The following DMD variants were observed in gnomAD, a reference collection of about 807,000 sequenced individuals.
DMD encodes mutant dystrophin.
DMD carries 63 observed loss-of-function variants against 330.1 expected under a neutral mutation model. That is an observed-to-expected ratio of 0.19 (90% CI 0.16 to 0.24). The LOEUF is 0.24. Ranked by LOEUF, DMD falls within the 10% of genes least tolerant of loss-of-function variation. The pLI is 1.00. For missense variants in DMD, 3,344 were observed against 2,684.1 expected, an observed-to-expected ratio of 1.25 and a Z score of -5.43; for synonymous variants, 1,223 against 959.8, an observed-to-expected ratio of 1.27 and a Z score of -5.07.
intron 61 of DMD, among the ~76,000 whole-genome samples, chrX:31,325,199 T>C (rs965454927): frequency 9.0e-6 from 1 of 111,238 alleles, no homozygotes; most frequent in African/African-American, 3.3e-5. Context: ...CTTTCCATCT[T>C]TGCCTTTCTC....
chrX:32,998,645 T>TTA (rs766697709), intron 2 of DMD, among the ~76,000 whole-genome samples: 4,417 of 84,831 alleles, frequency 0.052, 132 homozygotes, highest in East Asian at 0.29. Context: ...ATATATATGT[T>TTA]TATATACACA....
At chrX:33,150,045 AAAAT>A (rs2048203638) in intron 1 of DMD, among the ~76,000 whole-genome samples, 1 of 111,713 alleles carries the variant, frequency 9.0e-6, no homozygotes, top group Non-Finnish European at 1.9e-5. Flanking sequence ...ACATGACTAT[AAAAT>A]AAAGAGATGC....
chrX:33,308,277 C>G (rs1176936978), intron 1 of DMD, among the ~76,000 whole-genome samples: 1 of 112,144 alleles, frequency 8.9e-6, no homozygotes, highest in Non-Finnish European at 1.9e-5. Flanking sequence ...CTCCTAACTC[C>G]TACCCCAGTC....
intron 7 of DMD, among the ~76,000 whole-genome samples, chrX:32,731,436 T>G (rs921091300): frequency 8.9e-6 from 1 of 112,817 alleles, no homozygotes; most frequent in Admixed American, 9.3e-5. Context: ...TGCCTGCCTC[T>G]GTAGGCTCCA....
intron 44 of DMD, among the ~76,000 whole-genome samples, chrX:31,988,366 T>C (rs1264743308): frequency 2.0e-5 from 2 of 102,204 alleles, no homozygotes; most frequent in African/African-American, 3.6e-5. Flanking sequence ...CCCAGCTACT[T>C]GGGAGGCTGA....
intron 74 of DMD, among the ~76,000 whole-genome samples, chrX:31,159,992 A>G (rs1481177270): frequency 8.9e-6 from 1 of 112,388 alleles, no homozygotes; most frequent in Non-Finnish European, 1.9e-5. Context: ...TGTGTTGATG[A>G]TACACTTTAA....
intron 1 of DMD, among the ~76,000 whole-genome samples, chrX:33,053,597 A>G (rs969014319): frequency 9.0e-6 from 1 of 110,888 alleles, no homozygotes; most frequent in Non-Finnish European, 1.9e-5. Flanking sequence ...CTCCATCTCA[A>G]AAAAAGAAAA....
At chrX:32,895,661 T>C (rs1470703651) in intron 2 of DMD, among the ~76,000 whole-genome samples, 1 of 111,787 alleles carries the variant, frequency 8.9e-6, no homozygotes, top group Non-Finnish European at 1.9e-5. Flanking sequence ...TCCAGGTGTA[T>C]ATAAGGCAAT....
chrX:32,519,263 TAAA>T (rs201722710), intron 17 of DMD, among the ~76,000 whole-genome samples: 4,433 of 69,171 alleles, frequency 0.064, 285 homozygotes, highest in African/African-American at 0.2. Context: ...AAGTGGAATC[TAAA>T]AAAAAAAAAA....
intron 60 of DMD, among the ~76,000 whole-genome samples, chrX:31,421,667 A>T (rs187365952): frequency 9.1e-6 from 1 of 110,467 alleles, no homozygotes; most frequent in East Asian, 2.8e-4. Flanking sequence ...TGAACAGGAT[A>T]CGTCTTGTTT....
rs1448452459 is a variant in DMD at position 31,749,454 on chromosome X, C to G, written c.7543-19706G>C. Among the ~76,000 whole-genome samples, 7 of 104,500 alleles carry G rather than the reference C, an allele frequency of 6.7e-5. 1 individual carries two copies. Among genetic ancestry groups the G allele is most frequent in the Admixed American group, 5.2e-4 (5 of 9,524 alleles). 90.7% of individuals were successfully genotyped at this position (104,500 alleles called of 115,157 possible). ...TGATGATTTCCAATTTCATCCATGT[C>G]CCTACAAAGGACATGAACTCATCCT... On this transcript the variant is annotated intron_variant, in intron 51 of 78. Coordinates refer to ENST00000357033, the MANE Select transcript of DMD (RefSeq NM_004006.3).
intron 55 of DMD, among the ~76,000 whole-genome samples, chrX:31,579,981 T>C (rs1338885777): frequency 8.9e-6 from 1 of 112,074 alleles, no homozygotes; most frequent in Non-Finnish European, 1.9e-5. Flanking sequence ...TAATGGCCCC[T>C]TTCTCTATCT....
intron 11 of DMD, among the ~76,000 whole-genome samples, chrX:32,635,892 C>T (rs763552708): frequency 3.6e-5 from 4 of 111,739 alleles, no homozygotes; most frequent in South Asian, 7.5e-4. Flanking sequence ...TCCTCTAGTT[C>T]TCATGCTAAC....
chrX:32,878,702 T>C (rs781731433), intron 2 of DMD, among the ~76,000 whole-genome samples: 11 of 110,357 alleles, frequency 1.0e-4, no homozygotes, highest in Middle Eastern at 4.7e-3. Context: ...AGTGGTGAGG[T>C]AGGGCAGGAT....
At chrX:32,221,775 C>T (rs994163003) in intron 43 of DMD, among the ~76,000 whole-genome samples, 2 of 111,702 alleles carry the variant, frequency 1.8e-5, no homozygotes, top group South Asian at 3.7e-4. Flanking sequence ...GTACCTACAG[C>T]GTAGCTCCCA....
At chrX:32,283,416 T>C (rs188489628) in intron 43 of DMD, among the ~76,000 whole-genome samples, 4 of 111,756 alleles carry the variant, frequency 3.6e-5, no homozygotes, top group East Asian at 2.8e-4. Context: ...TTAACCCAAA[T>C]TGGCTTACTA....
chrX:31,421,912 C>T (rs1345582361), intron 60 of DMD, among the ~76,000 whole-genome samples: 34 of 67,811 alleles, frequency 5.0e-4, no homozygotes, highest in African/African-American at 2.9e-3. Context: ...CACACACACA[C>T]ACATATATAT....
chrX:33,182,834 AAACT>A, intron 1 of DMD, among the ~76,000 whole-genome samples: 1 of 112,526 alleles, frequency 8.9e-6, no homozygotes, highest in South Asian at 3.6e-4. Flanking sequence ...AGCCTACAGA[AAACT>A]AACTTTTTGT....
At chrX:33,010,118 ATG>A (rs1409757787) in intron 2 of DMD, among the ~76,000 whole-genome samples, 3 of 103,060 alleles carry the variant, frequency 2.9e-5, no homozygotes, top group Non-Finnish European at 4.0e-5. Flanking sequence ...ATATGTGCAC[ATG>A]TGTGTATATA....
Sources: allele counts gnomAD v4.1 joint callset (sites outside exome capture counted in the v4.1 genomes callset), GRCh38; gene constraint gnomAD v4.1.1; transcripts MANE v1.5; gene names NCBI Gene and HGNC (gene_info 2026-07-23, HGNC 2026-07-21).